CELF2: variants seen among roughly 807,000 people sequenced by gnomAD.
CELF2 encodes CUGBP Elav-like family member 2.
Under a neutral mutation model 62.6 loss-of-function variants are expected in CELF2, and 8 were observed. The observed-to-expected ratio is 0.13, with a 90% confidence interval of 0.07 to 0.23. The LOEUF (loss-of-function observed/expected upper bound fraction) is 0.23, where lower values mean the gene tolerates loss of function less well. Among genes scored for constraint, CELF2 ranks in the 10% least tolerant of loss-of-function variants. CELF2 has a pLI of 1.00. For synonymous variants in CELF2, 258 were observed against 250.0 expected, an observed-to-expected ratio of 1.03 and a Z score of -0.30; for missense variants, 333 against 671.0, an observed-to-expected ratio of 0.50 and a Z score of 5.56.
Position 11,244,274 on chromosome 10 carries a change from T to C in CELF2, c.355-4879T>C, listed in dbSNP as rs2074931518. Among the ~76,000 whole-genome samples the C allele has an allele frequency of 6.6e-6, 1 of 152,276 alleles. No individual in the cohort carries two copies. The highest frequency in any genetic ancestry group is 1.9e-4 in the East Asian group (1 of 5,194). On this transcript the variant is annotated intron_variant, in intron 3 of 12. Coordinates refer to ENST00000633077, the MANE Select transcript of CELF2 (RefSeq NM_001326342.2). The surrounding 1 kb of genome is among the most constrained non-coding windows in gnomAD (Gnocchi z 4.2). ...TGAGTAGATGGGCATTGTTTCTTTT[T>C]ACTTGAAATTGTCCAGCCTATGAAC...
At chr10:11,026,329 C>A (rs1307338140) in intron 1 of CELF2, among the ~76,000 whole-genome samples, 1 of 152,198 alleles carries the variant, frequency 6.6e-6, no homozygotes, top group East Asian at 1.9e-4. Flanking sequence ...GATTCACAAG[C>A]CCGGAAGTGG....
At chr10:10,590,265 G>A in the CELF2 span, among the ~76,000 whole-genome samples, 1 of 152,178 alleles carries the variant, frequency 6.6e-6, no homozygotes, top group East Asian at 1.9e-4. Context: ...TGTGGCAATG[G>A]GGTCAAGAAA....
At chr10:10,704,802 A>G in the CELF2 span, among the ~76,000 whole-genome samples, 12 of 152,148 alleles carry the variant, frequency 7.9e-5, no homozygotes, top group Admixed American at 7.2e-4. Context: ...TGTTCATAAT[A>G]TTCAATAGCA....
At chr10:10,467,105 A>G in the CELF2 span, among the ~76,000 whole-genome samples, 53 of 152,068 alleles carry the variant, frequency 3.5e-4, no homozygotes, top group Non-Finnish European at 5.9e-5. Flanking sequence ...TATACCACTT[A>G]TAATATACTA....
chr10:10,591,114 A>T, the CELF2 span, among the ~76,000 whole-genome samples: 2 of 152,236 alleles, frequency 1.3e-5, no homozygotes, highest in African/African-American at 2.4e-5. Context: ...ATCTAAAAAA[A>T]GTGATTTCGT....
chr10:11,289,506 G>A (rs1351462018), intron 9 of CELF2, among the ~76,000 whole-genome samples: 1 of 152,228 alleles, frequency 6.6e-6, no homozygotes, highest in African/African-American at 2.4e-5. Context: ...GTTCTCAAAA[G>A]AGCAGTTGCC....
chr10:10,818,787 A>G (rs1464701319), intron 1 of CELF2, among the ~76,000 whole-genome samples: 3 of 152,176 alleles, frequency 2.0e-5, no homozygotes, highest in African/African-American at 7.2e-5. Context: ...CATGTTGACC[A>G]GGCTGGTCTC....
chr10:10,808,857 C>T (rs142378564), intron 1 of CELF2, among the ~76,000 whole-genome samples: 49 of 152,276 alleles, frequency 3.2e-4, no homozygotes, highest in African/African-American at 9.4e-4. Context: ...AAGAAACATT[C>T]TTATTTTCAG....
At chr10:10,481,991 C>T in the CELF2 span, among the ~76,000 whole-genome samples, 1 of 152,144 alleles carries the variant, frequency 6.6e-6, no homozygotes, top group Non-Finnish European at 1.5e-5. Flanking sequence ...TTTGGATGTT[C>T]TTAAACTTAA....
At chr10:11,139,343 A>G (rs1017532822) in intron 1 of CELF2, among the ~76,000 whole-genome samples, 11 of 152,254 alleles carry the variant, frequency 7.2e-5, no homozygotes, top group Non-Finnish European at 1.6e-4. Context: ...ATTTCAAGAA[A>G]CATTGTCTTT....
chr10:11,068,907 TA>T (rs1346972827), intron 1 of CELF2, among the ~76,000 whole-genome samples: 2 of 152,246 alleles, frequency 1.3e-5, no homozygotes, highest in East Asian at 3.9e-4. Context: ...GTCTTAGCAT[TA>T]CCACATAGCT....
At chr10:10,549,155 A>C in the CELF2 span, among the ~76,000 whole-genome samples, 8 of 152,182 alleles carry the variant, frequency 5.3e-5, no homozygotes, top group Non-Finnish European at 1.2e-4. Context: ...CTTTGTGGTA[A>C]ACTAGTTTGC....
chr10:10,736,074 G>A, the CELF2 span, among the ~76,000 whole-genome samples: 2 of 152,108 alleles, frequency 1.3e-5, no homozygotes, highest in Non-Finnish European at 2.9e-5. Context: ...AGATTTTATT[G>A]AGTACCCAGT....
rs1056592000 is a variant in CELF2 at position 11,224,919 on chromosome 10, A to T, written c.354+7412A>T. Among the ~76,000 whole-genome samples the T allele has an allele frequency of 6.6e-6, 1 of 152,152 alleles. No individual in the cohort carries two copies. Among genetic ancestry groups the T allele is most frequent in the African/African-American group, 2.4e-5 (1 of 41,428 alleles). ...TGAGCTGGGGAGAGCCAAGGCCAGG[A>T]TCAGAGGGAGTCAGGGCTCTGCCGG... is the stretch of plus-strand genomic sequence containing the variant. On this transcript the variant is annotated intron_variant, in intron 3 of 12. Transcript: ENST00000633077. This position sits in a 1 kb window ranked among gnomAD's most constrained non-coding sequence, Gnocchi z 4.5.
At chr10:11,198,030 C>A (rs565768221) in intron 2 of CELF2, among the ~76,000 whole-genome samples, 1 of 152,168 alleles carries the variant, frequency 6.6e-6, no homozygotes, top group Non-Finnish European at 1.5e-5. Flanking sequence ...CAACATTAAC[C>A]AGTGATTTAT....
the CELF2 span, among the ~76,000 whole-genome samples, chr10:10,725,645 T>C: frequency 3.3e-5 from 5 of 152,296 alleles, no homozygotes; most frequent in East Asian, 3.9e-4. Context: ...TTCTTCCTCA[T>C]GGGAGCTTGT....
intron 1 of CELF2, among the ~76,000 whole-genome samples, chr10:11,150,452 G>A (rs1028743770): frequency 6.6e-6 from 1 of 152,196 alleles, no homozygotes; most frequent in African/African-American, 2.4e-5. Flanking sequence ...GGGAATTCCT[G>A]TTTAGTTTCT....
the CELF2 span, among the ~76,000 whole-genome samples, chr10:10,720,053 G>A: frequency 6.6e-6 from 1 of 152,150 alleles, no homozygotes; most frequent in Non-Finnish European, 1.5e-5. Flanking sequence ...CCTATCTTGT[G>A]GATCCACTTG....
chr10:10,553,580 T>C, the CELF2 span, among the ~76,000 whole-genome samples: 1 of 151,818 alleles, frequency 6.6e-6, no homozygotes, highest in Middle Eastern at 3.4e-3. Flanking sequence ...GGAGACAGAG[T>C]CACACACAGA....
Sources: gnomAD v4.1 joint callset for allele counts (sites outside exome capture counted in the v4.1 genomes callset) on GRCh38, gnomAD v4.1.1 for gene constraint, Gnocchi (gnomAD v3.1) non-coding constraint, MANE v1.5 for transcripts, NCBI Gene and HGNC (gene_info 2026-07-23, HGNC 2026-07-21) for gene names.